Variants in CTNNA3 observed in about 807,000 individuals in gnomAD.
The protein encoded by CTNNA3 is catenin alpha 3.
A neutral mutation model predicts 95.7 loss-of-function variants in CTNNA3; 76 were observed. That is an observed-to-expected ratio of 0.79 (90% CI 0.66 to 0.96). The LOEUF is 0.96. Ranked by LOEUF, CTNNA3 falls within the 40% of genes least tolerant of loss-of-function variation. The pLI is 0.00. For missense variants in CTNNA3, 1,191 were observed against 1,089.8 expected (o/e 1.09, Z -1.31); for synonymous variants, 431 against 374.4 (o/e 1.15, Z -1.74).
chr10:67,431,231 A>G (rs1473564188), intron 5 of CTNNA3, among the ~76,000 whole-genome samples: 1 of 151,998 alleles, frequency 6.6e-6, no homozygotes, highest in Admixed American at 6.6e-5. Flanking sequence ...GAAATGGAAA[A>G]GGATGGTGGT....
chr10:66,099,357 C>T (rs893168653), intron 14 of CTNNA3, among the ~76,000 whole-genome samples: 1 of 152,026 alleles, frequency 6.6e-6, no homozygotes, highest in Non-Finnish European at 1.5e-5. Context: ...GAAATTACAG[C>T]AATTACAGCT....
chr10:66,674,638 T>C (rs1171760514), intron 9 of CTNNA3, among the ~76,000 whole-genome samples: 2 of 152,082 alleles, frequency 1.3e-5, no homozygotes, highest in Non-Finnish European at 2.9e-5. Flanking sequence ...TTATCTTTTG[T>C]CTACCTGTAA....
Position 67,157,107 on chromosome 10 carries a change from A to C in CTNNA3, c.1047+23210T>G, listed in dbSNP as rs190129555. ...ACTATAAGTCCTAGTTAGAGCAATT[A>C]GGCAAGAAAAAGAAATACATAGCAT... On this transcript the variant is annotated intron_variant, in intron 7 of 17. Transcript: ENST00000433211. 2.6e-4 allele frequency among the ~76,000 whole-genome samples: 39 copies of C among 152,308 alleles called. 1 individual carries two copies. Among genetic ancestry groups the C allele is most frequent in the African/African-American group, 8.7e-4 (36 of 41,578 alleles).
chr10:66,430,905 C>G (rs1041646809), intron 11 of CTNNA3, among the ~76,000 whole-genome samples: 3 of 152,010 alleles, frequency 2.0e-5, no homozygotes, highest in East Asian at 3.9e-4. Context: ...TGACAAATGG[C>G]ATCTAATTAA....
intron 15 of CTNNA3, among the ~76,000 whole-genome samples, chr10:66,058,414 C>T (rs1222034883): frequency 2.6e-5 from 4 of 152,146 alleles, no homozygotes; most frequent in African/African-American, 9.6e-5. Flanking sequence ...ACCCCACCTC[C>T]CAACCTAGTT....
At chr10:67,728,715 CTAAT>C (rs1409215375) in intron 1 of CTNNA3, among the ~76,000 whole-genome samples, 1 of 151,692 alleles carries the variant, frequency 6.6e-6, no homozygotes, top group Non-Finnish European at 1.5e-5. Flanking sequence ...TTATTATGTT[CTAAT>C]TAATATATTA....
chr10:66,905,381 A>G (rs994323980), intron 7 of CTNNA3, among the ~76,000 whole-genome samples: 4 of 152,074 alleles, frequency 2.6e-5, no homozygotes, highest in African/African-American at 9.7e-5. Flanking sequence ...GGGTTGGAGG[A>G]CTGGGGAAGG....
intron 13 of CTNNA3, among the ~76,000 whole-genome samples, chr10:66,225,716 T>A (rs1003846494): frequency 1.3e-5 from 2 of 151,836 alleles, no homozygotes; most frequent in Non-Finnish European, 2.9e-5. Flanking sequence ...AGAGCTCCCT[T>A]TTCTCCACAT....
Position 66,617,136 on chromosome 10 carries a change from T to C in CTNNA3, c.1374+4556A>G, listed in dbSNP as rs1043759235. On this transcript the variant is annotated intron_variant, in intron 10 of 17. Coordinates refer to ENST00000433211, the MANE Select transcript of CTNNA3 (RefSeq NM_013266.4). Reference sequence around the variant, plus strand: ...TCATGAACTTTCTGTGTGAGTGTGTTATATATAATAAAGGTAACAAATTAA... The same window carrying C: ...TCATGAACTTTCTGTGTGAGTGTGTCATATATAATAAAGGTAACAAATTAA... 6.6e-5 allele frequency among the ~76,000 whole-genome samples: 10 copies of C among 152,138 alleles called. No homozygotes were observed. In the South Asian group the frequency reaches 2.1e-3, roughly 32 times the overall value.
intron 5 of CTNNA3, among the ~76,000 whole-genome samples, chr10:67,443,965 C>G (rs1393136255): frequency 6.6e-6 from 1 of 152,036 alleles, no homozygotes; most frequent in Non-Finnish European, 1.5e-5. Flanking sequence ...TCTTGAATTA[C>G]TTTCATTTCA....
At chr10:67,598,457 C>T (rs991398884) in intron 3 of CTNNA3, among the ~76,000 whole-genome samples, 1 of 152,076 alleles carries the variant, frequency 6.6e-6, no homozygotes, top group Non-Finnish European at 1.5e-5. Flanking sequence ...AGCCCAGGAT[C>T]TGCATTCTCC....
At chr10:67,686,988 G>T (rs1008128696) in intron 1 of CTNNA3, among the ~76,000 whole-genome samples, 1 of 152,154 alleles carries the variant, frequency 6.6e-6, no homozygotes, top group Non-Finnish European at 1.5e-5. Flanking sequence ...TAATAAGGGT[G>T]TGGGACTTTC....
intron 5 of CTNNA3, among the ~76,000 whole-genome samples, chr10:67,230,306 T>G (rs1865127132): frequency 6.6e-6 from 1 of 152,172 alleles, no homozygotes; most frequent in South Asian, 2.1e-4. Context: ...TCTCTCACCT[T>G]ATACAAAAAT....
chr10:66,308,258 A>G (rs978170586), intron 12 of CTNNA3, among the ~76,000 whole-genome samples: 14 of 152,190 alleles, frequency 9.2e-5, no homozygotes, highest in African/African-American at 3.4e-4. Context: ...ATAAATTAAT[A>G]TACATTGTTT....
intron 7 of CTNNA3, among the ~76,000 whole-genome samples, chr10:66,854,271 T>G (rs1237569492): frequency 6.6e-6 from 1 of 151,400 alleles, no homozygotes; most frequent in East Asian, 1.9e-4. Context: ...TCTTTTCCTG[T>G]CCCAGGTACA....
At chr10:65,928,863 T>C (rs545197858) in intron 17 of CTNNA3, among the ~76,000 whole-genome samples, 1 of 152,320 alleles carries the variant, frequency 6.6e-6, no homozygotes, top group East Asian at 1.9e-4. Context: ...ATTCCCACTT[T>C]TAGATTATTA....
chr10:66,372,849 C>T (rs994793231), intron 12 of CTNNA3, among the ~76,000 whole-genome samples: 16 of 152,064 alleles, frequency 1.1e-4, no homozygotes, highest in African/African-American at 3.9e-4. Flanking sequence ...GGAAACCACC[C>T]CCATGATTCA....
At chr10:67,669,401 A>AT (rs1189469594) in intron 1 of CTNNA3, among the ~76,000 whole-genome samples, 1 of 152,196 alleles carries the variant, frequency 6.6e-6, no homozygotes, top group Non-Finnish European at 1.5e-5. Flanking sequence ...CTCTCCCAAG[A>AT]TTAACTATAG....
intron 1 of CTNNA3, among the ~76,000 whole-genome samples, chr10:67,653,049 G>C (rs1235524601): frequency 6.6e-6 from 1 of 152,182 alleles, no homozygotes; most frequent in Non-Finnish European, 1.5e-5. Flanking sequence ...ATTGGCTCAT[G>C]GTTCTGCAGG....
Sources: allele counts gnomAD v4.1 joint callset (sites outside exome capture counted in the v4.1 genomes callset), GRCh38; gene constraint gnomAD v4.1.1; transcripts MANE v1.5; gene names NCBI Gene and HGNC (gene_info 2026-07-23, HGNC 2026-07-21).